The following FAM120A variants were observed in gnomAD, a reference collection of about 807,000 sequenced individuals.
FAM120A encodes the protein family with sequence similarity 120 member A, also known as constitutive coactivator of PPAR-gamma-like protein 1.
In FAM120A, 15 loss-of-function variants were observed where a neutral mutation model predicts 109.7. The ratio of observed to expected loss-of-function variants is 0.14; its 90% CI spans 0.09 to 0.21. The LOEUF (loss-of-function observed/expected upper bound fraction) is 0.21. FAM120A is among the 10% of genes least tolerant of loss of function. The pLI, the probability that FAM120A is intolerant of heterozygous loss-of-function variation, is 1.00. For missense variants in FAM120A, 899 were observed against 1,439.3 expected, an observed-to-expected ratio of 0.62 and a Z score of 6.07; for synonymous variants, 493 against 572.8, an observed-to-expected ratio of 0.86 and a Z score of 1.99.
intron 3 of FAM120A, among the ~76,000 whole-genome samples, chr9:93,490,872 G>A (rs1859281721): frequency 6.6e-6 from 1 of 152,204 alleles, no homozygotes; most frequent in Admixed American, 6.5e-5. Context: ...TTTTCTGTCT[G>A]GAGTAGTCAC....
At chr9:93,517,994 C>T (rs1420971918) in intron 7 of FAM120A, among the ~76,000 whole-genome samples, 1 of 152,114 alleles carries the variant, frequency 6.6e-6, no homozygotes, top group Non-Finnish European at 1.5e-5. Context: ...GTCTTTATTC[C>T]TGGTATGGCA....
In FAM120A at chr9:93,556,605, C is replaced by G; in HGVS notation, c.2484+14C>G. 6.2e-7 allele frequency: 1 copy of G among 1,612,826 alleles called. No individual in the cohort carries two copies. The highest frequency in any genetic ancestry group is 2.2e-5 in the East Asian group (1 of 44,862). ...TGTGATGGTCAGGTATGCTGCGGGG[C>G]CGGGTGGCTGCCTTTAACTGCAATG... is the stretch of plus-strand genomic sequence containing the variant. On this transcript the variant is annotated intron_variant, in intron 13 of 17. Coordinates refer to ENST00000277165, the MANE Select transcript of FAM120A (RefSeq NM_014612.5).
chr9:93,491,721 G>A (rs939435729), intron 3 of FAM120A, among the ~76,000 whole-genome samples: 5 of 152,100 alleles, frequency 3.3e-5, no homozygotes, highest in Non-Finnish European at 7.4e-5. Flanking sequence ...TTGATCATAA[G>A]CGTTTGCTTG....
intron 9 of FAM120A, among the ~76,000 whole-genome samples, chr9:93,531,929 C>T (rs530839241): frequency 1.3e-5 from 2 of 152,308 alleles, no homozygotes; most frequent in East Asian, 3.9e-4. Context: ...TTGGATTAAA[C>T]ATAAAATGAT....
At chr9:93,521,908 T>G (rs1860862514) in intron 7 of FAM120A, among the ~76,000 whole-genome samples, 1 of 152,086 alleles carries the variant, frequency 6.6e-6, no homozygotes, top group African/African-American at 2.4e-5. Context: ...GTGAAACCCT[T>G]TCTCTACCAA....
intron 10 of FAM120A, among the ~76,000 whole-genome samples, chr9:93,538,365 C>A (rs1033056230): frequency 6.6e-5 from 10 of 152,060 alleles, no homozygotes; most frequent in African/African-American, 2.4e-4. Context: ...AATTAGGGGG[C>A]AGTTTTTCTA....
At chr9:93,550,712 C>T in intron 12 of FAM120A, 21 bp downstream of exon 12, 1 of 1,583,590 alleles carries the variant, frequency 6.3e-7, no homozygotes, top group African/African-American at 1.3e-5. Flanking sequence ...AGCCTCATTG[C>T]ATTGTCTTGG....
intron 1 of FAM120A, among the ~76,000 whole-genome samples, chr9:93,457,515 C>T (rs939788891): frequency 6.6e-6 from 1 of 152,052 alleles, no homozygotes; most frequent in African/African-American, 2.4e-5. Flanking sequence ...AAATAGTATT[C>T]CATAATTTAT....
chr9:93,522,221 A>G (rs1564342644), intron 7 of FAM120A, among the ~76,000 whole-genome samples: 1 of 152,210 alleles, frequency 6.6e-6, no homozygotes, highest in Non-Finnish European at 1.5e-5. Flanking sequence ...TTTGTTTTAT[A>G]TCTTTTTTCT....
chr9:93,497,055 C>T (rs1859606955), intron 3 of FAM120A, among the ~76,000 whole-genome samples: 1 of 152,140 alleles, frequency 6.6e-6, no homozygotes, highest in South Asian at 2.1e-4. Context: ...TTGTGCAGGC[C>T]TTCATCTTTG....
intron 3 of FAM120A, among the ~76,000 whole-genome samples, chr9:93,492,630 A>C (rs1272127149): frequency 6.6e-6 from 1 of 152,188 alleles, no homozygotes; most frequent in Non-Finnish European, 1.5e-5. Flanking sequence ...GGAGGGAAGC[A>C]AGCTTCTCTG....
At chr9:93,544,880 G>T (rs2131524454) in intron 11 of FAM120A, among the ~76,000 whole-genome samples, 1 of 152,290 alleles carries the variant, frequency 6.6e-6, no homozygotes, top group South Asian at 2.1e-4. Context: ...GCTTCTCCGT[G>T]TGGTGCTGCT....
At chr9:93,493,835 G>A (rs1564325478) in intron 3 of FAM120A, among the ~76,000 whole-genome samples, 1 of 152,212 alleles carries the variant, frequency 6.6e-6, no homozygotes, top group African/African-American at 2.4e-5. Context: ...TTCGCAGTCA[G>A]CCAGCTTCTG....
At position 93,535,647 on chromosome 9, in the gene FAM120A, A is replaced by G. The variant is rs991763504; in HGVS notation, c.1909+3318A>G. Among the ~76,000 whole-genome samples, 3 of 152,222 alleles carry G rather than the reference A, an allele frequency of 2.0e-5. No individual in the cohort carries two copies. In the South Asian group the frequency reaches 6.2e-4, roughly 32 times the overall value. The stretch of plus-strand genomic sequence containing the variant: ...ATCTAGGTCTTTATAGGGAGCTGAT[A>G]AAATTGAACTTGTTTCATGCGTTAG... On this transcript the variant is annotated intron_variant, in intron 10 of 17. Transcript: ENST00000277165.
intron 1 of FAM120A, among the ~76,000 whole-genome samples, chr9:93,457,766 T>G (rs1857614405): frequency 6.6e-6 from 1 of 152,146 alleles, no homozygotes; most frequent in Non-Finnish European, 1.5e-5. Context: ...AGCACTGATC[T>G]TTATCAACAA....
At position 93,562,209 on chromosome 9, in the gene FAM120A, C is replaced by T. The variant is rs763747316; in HGVS notation, c.2950C>T (p.Arg984Cys). Residue 984 changes from arginine to cysteine, a missense_variant and splice_region_variant, in exon 17 of 18, where the codon CGT becomes TGT. This residue lies in a region of FAM120A where 170 missense variants were observed against 205.0 expected (regional missense o/e 0.83). Transcript: ENST00000277165. ...TGTTGTCCTTTTTCATTCATTTAGG[C>T]GTCCAAGAGGAGTTATTTCCACCCC... ...VVSVGGPARG[R>C]PRGVISTPVI... is the part of the protein sequence containing the mutation. The T allele has an allele frequency of 4.8e-5, 78 of 1,611,704 alleles. No homozygotes were observed. The highest frequency in any genetic ancestry group is 5.4e-5 in the Non-Finnish European group (64 of 1,178,004).
In FAM120A at chr9:93,564,508, C is replaced by T; in HGVS notation, c.3325C>T (p.Leu1109=). The T allele has an allele frequency of 6.2e-7, 1 of 1,611,552 alleles. No individual in the cohort carries two copies. Among genetic ancestry groups the T allele is most frequent in the South Asian group, 1.1e-5 (1 of 91,040 alleles). Residue 1109 remains leucine, a synonymous_variant, in exon 18 of 18, where the codon CTG becomes TTG. Transcript: ENST00000277165. The part of the protein sequence containing the change: ...TDSACRREAA[L]EAAVLNKEE Reference sequence around the variant, plus strand: ...CAGCGCTTGCCGCAGAGAAGCTGCTCTGGAGGCAGCTGTCTTAAATAAAGA... The same window carrying T: ...CAGCGCTTGCCGCAGAGAAGCTGCTTTGGAGGCAGCTGTCTTAAATAAAGA...
At chr9:93,507,891 T>C (rs1284044600) in intron 5 of FAM120A, among the ~76,000 whole-genome samples, 1 of 152,188 alleles carries the variant, frequency 6.6e-6, no homozygotes, top group Non-Finnish European at 1.5e-5. Context: ...GAGGATAGGA[T>C]GGGTGGCAAG....
chr9:93,521,408 G>A (rs1860839962), intron 7 of FAM120A, among the ~76,000 whole-genome samples: 1 of 152,130 alleles, frequency 6.6e-6, no homozygotes, highest in Non-Finnish European at 1.5e-5. Context: ...CGTGAAGCCA[G>A]CCTGGGCAAC....
Sources: allele counts gnomAD v4.1 joint callset (sites outside exome capture counted in the v4.1 genomes callset), GRCh38; gene constraint gnomAD v4.1.1; regional missense constraint gnomAD v4.1.1; transcripts MANE v1.5; gene names NCBI Gene and HGNC (gene_info 2026-07-23, HGNC 2026-07-21).